The following SCNN1B variants were observed in gnomAD, a reference collection of about 807,000 sequenced individuals.
SCNN1B encodes epithelial sodium channel subunit beta.
SCNN1B carries 46 observed loss-of-function variants against 65.3 expected under a neutral mutation model. That is an observed-to-expected ratio of 0.70 (90% confidence interval 0.56 to 0.90). SCNN1B has a LOEUF of 0.90. Ranked by LOEUF, SCNN1B falls within the 40% of genes least tolerant of loss-of-function variation. SCNN1B has a pLI of 0.00. For missense variants in SCNN1B, 751 were observed against 830.5 expected, an observed-to-expected ratio of 0.90 and a Z score of 1.18; for synonymous variants, 349 against 330.6, an observed-to-expected ratio of 1.06 and a Z score of -0.60.
At chr16:23,350,769 C>T (rs1962292022) in intron 2 of SCNN1B, among the ~76,000 whole-genome samples, 1 of 151,998 alleles carries the variant, frequency 6.6e-6, no homozygotes, top group Non-Finnish European at 1.5e-5. Flanking sequence ...AAAAATTAGC[C>T]GGGTGTGCTG....
In SCNN1B at chr16:23,348,130, C is replaced by G. The variant is rs891884616; in HGVS notation, c.-8-462C>G. On this transcript the variant is annotated intron_variant, in intron 1 of 12. Transcript: ENST00000343070. The surrounding 1 kb of genome is among the most constrained non-coding windows in gnomAD (Gnocchi z 4.5). Reference sequence around the variant, plus strand: ...ACATCATGGGGAGGACATGTAAACTCCATATAGACAGTGGCCCTGGCTGGG... The same window carrying G: ...ACATCATGGGGAGGACATGTAAACTGCATATAGACAGTGGCCCTGGCTGGG... Among the ~76,000 whole-genome samples, 3 of 152,112 alleles carry G rather than the reference C, an allele frequency of 2.0e-5. No homozygotes were observed. The highest frequency in any genetic ancestry group is 7.2e-5 in the African/African-American group (3 of 41,416).
chr16:23,356,230 G>T (rs1183347747), intron 4 of SCNN1B, among the ~76,000 whole-genome samples: 2 of 152,218 alleles, frequency 1.3e-5, no homozygotes, highest in Non-Finnish European at 2.9e-5. Context: ...CCAGGCATCT[G>T]TTGCCTCGGT....
intron 1 of SCNN1B, among the ~76,000 whole-genome samples, chr16:23,318,386 A>C (rs1284805083): frequency 6.6e-6 from 1 of 152,146 alleles, no homozygotes; most frequent in Non-Finnish European, 1.5e-5. Flanking sequence ...AGGCTGATGG[A>C]TCACTTGAGG....
rs1038781755 is a variant in SCNN1B, at chr16:23,304,189, G to A, written c.-9+1752G>A. The stretch of plus-strand genomic sequence containing the variant: ...TCTTTATCCTAAACTAACTTCACAG[G>A]ATCTGAATTTAGGGGATGAGGTCCT... On this transcript the variant is annotated intron_variant, in intron 1 of 12. Transcript: ENST00000343070. 7.3e-6 allele frequency: 8 copies of A among 1,091,654 alleles called. No homozygotes were observed. The South Asian group carries it at 8.2e-5, about 11-fold the overall frequency. The allele number at this position is 1,091,654 out of a possible 1,614,324, so 67.6% of individuals were successfully genotyped here.
chr16:23,364,259 A>G (rs980244209), intron 4 of SCNN1B, among the ~76,000 whole-genome samples: 1 of 152,232 alleles, frequency 6.6e-6, no homozygotes, highest in African/African-American at 2.4e-5. Context: ...ATAAAGTACT[A>G]TTAACTAATA....
At chr16:23,375,304 G>A (rs1962870393) in intron 7 of SCNN1B, among the ~76,000 whole-genome samples, 1 of 152,182 alleles carries the variant, frequency 6.6e-6, no homozygotes, top group Non-Finnish European at 1.5e-5. Flanking sequence ...GGAGGAAGGA[G>A]CACAGAGCCA....
In SCNN1B at chr16:23,355,328, C is replaced by T; in HGVS notation, c.615C>T (p.Phe205=). The change falls in exon 4 of 13, where the codon TTC becomes TTT. Residue 205 remains phenylalanine, a synonymous_variant. Coordinates refer to ENST00000343070, the MANE Select transcript of SCNN1B (RefSeq NM_000336.3). The part of the protein sequence containing the change: ...LCSLNRTQCT[F]RNFTSATQAL... ...GCCTCAACAGGACCCAGTGTACCTT[C>T]CGGAACTTCACCAGTGCTACCCAGG... 6.2e-7 allele frequency: 1 copy of T among 1,614,200 alleles called. No individual in the cohort carries two copies. Among genetic ancestry groups the T allele is most frequent in the Non-Finnish European group, 8.5e-7 (1 of 1,180,026 alleles).
Position 23,360,360 on chromosome 16 carries a change from A to AC in SCNN1B, c.776+4877dup, listed in dbSNP as rs556761266. On this transcript the variant is annotated intron_variant, in intron 4 of 12. Coordinates refer to ENST00000343070, the MANE Select transcript of SCNN1B (RefSeq NM_000336.3). Reference sequence around the variant, plus strand: ...AGACCAACCTGAGCAACATAGTGAGACCCCCCATCTCTACAAAAAACAATT... The same window carrying AC: ...AGACCAACCTGAGCAACATAGTGAGACCCCCCCATCTCTACAAAAAACAATT... 2.1e-3 allele frequency among the ~76,000 whole-genome samples: 316 copies of AC among 151,856 alleles called. 2 individuals are homozygous for AC. The highest frequency in any genetic ancestry group is 6.9e-3 in the African/African-American group (284 of 41,450).
At chr16:23,373,491 T>C (rs537851134) in intron 7 of SCNN1B, among the ~76,000 whole-genome samples, 1 of 152,326 alleles carries the variant, frequency 6.6e-6, no homozygotes, top group African/African-American at 2.4e-5. Context: ...CTTCTCATCC[T>C]GATCTCCAGA....
rs182703651 is a variant in SCNN1B, at chr16:23,333,990, C to T, written c.-8-14602C>T. Among the ~76,000 whole-genome samples the T allele has an allele frequency of 3.6e-4, 55 of 152,292 alleles. No homozygotes were observed. The East Asian group carries it at 6.8e-3, about 19-fold the overall frequency. On this transcript the variant is annotated intron_variant, in intron 1 of 12. Transcript: ENST00000343070. ...ATGTTAGTCACATCCAGGTCCTTAA[C>T]GCCCAGATGTGCTGTGCTTGCCTGC...
chr16:23,332,951 T>A (rs1289439899), intron 1 of SCNN1B, among the ~76,000 whole-genome samples: 1 of 152,028 alleles, frequency 6.6e-6, no homozygotes, highest in East Asian at 1.9e-4. Flanking sequence ...GCGCCTGTAA[T>A]CCCAGCTTAC....
chr16:23,290,861 T>C (rs1960914184), intron 2 of SCNN1B, among the ~76,000 whole-genome samples: 1 of 152,166 alleles, frequency 6.6e-6, no homozygotes, highest in African/African-American at 2.4e-5. Context: ...TTCGAAAGTT[T>C]TGAAAGTGAA....
chr16:23,371,369 G>A lies in SCNN1B; in HGVS notation c.951G>A (p.Arg317=), dbSNP rs1157591150. 1 of 1,614,140 alleles carries A rather than the reference G, an allele frequency of 6.2e-7. No individual in the cohort carries two copies. Among genetic ancestry groups the A allele is most frequent in the Non-Finnish European group, 8.5e-7 (1 of 1,180,006 alleles). ...VPFLASTAGV[R]LMLHEQRSYP... ...TCCTTGCGTCCACGGCCGGGGTCAGGCTGATGCTTCACGAGCAGAGGTCAT... is the reference window on the plus strand; with the variant it reads ...TCCTTGCGTCCACGGCCGGGGTCAGACTGATGCTTCACGAGCAGAGGTCAT... Residue 317 remains arginine, a synonymous_variant, in exon 6 of 13, where the codon AGG becomes AGA. Transcript: ENST00000343070.
In SCNN1B at chr16:23,324,878, G is replaced by C. The variant is rs549860909; in HGVS notation, c.-9+22441G>C. Among the ~76,000 whole-genome samples, 6 of 152,330 alleles carry C rather than the reference G, an allele frequency of 3.9e-5. No individual in the cohort carries two copies. In the East Asian group the frequency reaches 9.6e-4, roughly 24 times the overall value. On this transcript the variant is annotated intron_variant, in intron 1 of 12. Coordinates refer to ENST00000343070, the MANE Select transcript of SCNN1B (RefSeq NM_000336.3). ...CTTCCATTTCTGGGGATGGGCTTAG[G>C]TGCTCACCATTGGCACCCCCCCAAG...
chr16:23,340,323 T>C (rs1962029557), intron 1 of SCNN1B, among the ~76,000 whole-genome samples: 1 of 152,234 alleles, frequency 6.6e-6, no homozygotes, highest in Admixed American at 6.5e-5. Context: ...AAGTTTCTTA[T>C]GATTCATGAT....
intron 7 of SCNN1B, 67 bp downstream of exon 7, chr16:23,371,950 T>TACTCCGGGAGAGCTGGCCCCAGC: frequency 8.6e-7 from 1 of 1,160,580 alleles, no homozygotes; most frequent in Non-Finnish European, 1.3e-6. Flanking sequence ...AAGGCCTCAG[T>TACTCCGGGAGAGCTGGCCCCAGC]ACTCCGGGAG....
intron 4 of SCNN1B, among the ~76,000 whole-genome samples, chr16:23,357,231 C>A (rs923869578): frequency 6.6e-6 from 1 of 152,228 alleles, no homozygotes; most frequent in Non-Finnish European, 1.5e-5. Flanking sequence ...GAACTCAGAA[C>A]CTTCCAGAAC....
At chr16:23,379,146 C>CCCTCCATCATCCACCT (rs745652606) in intron 11 of SCNN1B, among the ~76,000 whole-genome samples, 1 of 149,690 alleles carries the variant, frequency 6.7e-6, no homozygotes, top group African/African-American at 2.5e-5. Flanking sequence ...ACTCATTCAT[C>CCCTCCATCATCCACCT]CTCCATTCTC....
At chr16:23,376,744 T>TAAAA (rs770607656) in intron 8 of SCNN1B, among the ~76,000 whole-genome samples, 12 of 62,560 alleles carry the variant, frequency 1.9e-4, no homozygotes, top group Non-Finnish European at 3.2e-4. Flanking sequence ...ACCCCGTCTA[T>TAAAA]AAAAAAAAAA....
Sources: allele counts gnomAD v4.1 joint callset (sites outside exome capture counted in the v4.1 genomes callset), GRCh38; gene constraint gnomAD v4.1.1; non-coding constraint Gnocchi (gnomAD v3.1); transcripts MANE v1.5; gene names NCBI Gene and HGNC (gene_info 2026-07-23, HGNC 2026-07-21).